MYO10: variants seen among roughly 807,000 people sequenced by gnomAD.
The protein encoded by MYO10 is unconventional myosin-X.
Under a neutral mutation model 257.3 loss-of-function variants are expected in MYO10, and 133 were observed. That is an observed-to-expected ratio of 0.52 (90% confidence interval 0.45 to 0.60). The LOEUF (loss-of-function observed/expected upper bound fraction) is 0.60. Ranked by LOEUF, MYO10 falls within the 20% of genes least tolerant of loss-of-function variation. MYO10 has a pLI of 0.00. For missense variants in MYO10, 2,399 were observed against 2,635.7 expected (o/e 0.91, Z 1.97); for synonymous variants, 1,104 against 1,028.6 (o/e 1.07, Z -1.40).
At position 16,935,930 on chromosome 5, in the gene MYO10, C is replaced by T; in HGVS notation, c.-122G>A. 7.4e-6 allele frequency: 9 copies of T among 1,222,054 alleles called. No homozygotes were observed. In the South Asian group the frequency reaches 9.5e-5, roughly 13 times the overall value. 75.7% of individuals were successfully genotyped at this position (1,222,054 alleles called of 1,614,324 possible). ...CTCCCGAGGACGCGCGCCCGCGGGG[C>T]TCCCCTGCTGCCATCGCCCGGTCCC... On this transcript the variant is annotated 5_prime_UTR_variant, in exon 1 of 41. Transcript: ENST00000513610.
rs5866211 is a variant in MYO10, at chr5:16,865,811, GATAATAATA to G, written c.120+11789_120+11797del. 4.9e-5 allele frequency among the ~76,000 whole-genome samples: 7 copies of G among 142,646 alleles called. No homozygotes were observed. The East Asian group carries it at 1.5e-3, about 30-fold the overall frequency. The allele number at this position is 142,646 out of a possible 152,430, so 93.6% of individuals were successfully genotyped here. On this transcript the variant is annotated intron_variant, in intron 2 of 40. Coordinates refer to ENST00000513610, the MANE Select transcript of MYO10 (RefSeq NM_012334.3). ...GGGTGACAGAGTTAGACTCCGTCTCGATAATAATAATAATAATAATAATAGTAAAAAATA... is the reference window on the plus strand; with the variant it reads ...GGGTGACAGAGTTAGACTCCGTCTCGATAATAATAATAATAGTAAAAAATA...
At chr5:16,828,797 C>T (rs1398269424) in intron 2 of MYO10, among the ~76,000 whole-genome samples, 1 of 151,744 alleles carries the variant, frequency 6.6e-6, no homozygotes, top group African/African-American at 2.4e-5. Context: ...TGAACTACAG[C>T]CTGGAACTCC....
chr5:16,896,592 C>CA (rs200637800), intron 1 of MYO10, among the ~76,000 whole-genome samples: 240 of 151,512 alleles, frequency 1.6e-3, no homozygotes, highest in African/African-American at 5.5e-3. Flanking sequence ...GGCTCCATCT[C>CA]AAAAAAAAGA....
At chr5:16,687,387 A>T (rs1274940942) in intron 28 of MYO10, among the ~76,000 whole-genome samples, 2 of 151,462 alleles carry the variant, frequency 1.3e-5, no homozygotes, top group African/African-American at 4.8e-5. Context: ...AGAACAAAGC[A>T]TCAGGAAAAT....
chr5:16,666,682 T>G lies in MYO10; in HGVS notation c.*10A>C. Reference sequence around the variant, plus strand: ...TCAGGTAGCAAAGACAGGTGGGCTCTGTCCCGCCTTCACCTGGAGCTGCCC... The same window carrying G: ...TCAGGTAGCAAAGACAGGTGGGCTCGGTCCCGCCTTCACCTGGAGCTGCCC... On this transcript the variant is annotated 3_prime_UTR_variant, in exon 41 of 41. Coordinates refer to ENST00000513610, the MANE Select transcript of MYO10 (RefSeq NM_012334.3). 6.3e-7 allele frequency: 1 copy of G among 1,587,750 alleles called. No individual in the cohort carries two copies. The highest frequency in any genetic ancestry group is 8.6e-7 in the Non-Finnish European group (1 of 1,168,980).
At chr5:16,690,715 T>C (rs1225819968) in intron 27 of MYO10, among the ~76,000 whole-genome samples, 2 of 152,046 alleles carry the variant, frequency 1.3e-5, no homozygotes, top group African/African-American at 4.8e-5. Flanking sequence ...CATCTGCGTC[T>C]GAATTCTGCT....
intron 19 of MYO10, among the ~76,000 whole-genome samples, chr5:16,713,038 GT>G (rs144748890): frequency 0.013 from 1,984 of 152,232 alleles, 53 homozygotes; most frequent in African/African-American, 0.045. Flanking sequence ...AAGCAGCACT[GT>G]ATAGAGCAAA....
intron 25 of MYO10, among the ~76,000 whole-genome samples, chr5:16,700,693 C>CAATA (rs1327452219): frequency 5.3e-5 from 8 of 152,132 alleles, no homozygotes; most frequent in African/African-American, 1.7e-4. Flanking sequence ...ACAACAACAA[C>CAATA]AATAAATAAA....
At chr5:16,728,505 A>G (rs1475352358) in intron 19 of MYO10, among the ~76,000 whole-genome samples, 4 of 151,396 alleles carry the variant, frequency 2.6e-5, no homozygotes, top group Non-Finnish European at 5.9e-5. Flanking sequence ...GAGCTTTTTA[A>G]TTTTCAACAC....
chr5:16,682,034 G>A (rs1234517391), intron 30 of MYO10, 21 bp from the exon 31 acceptor site: 1 of 1,610,198 alleles, frequency 6.2e-7, no homozygotes, highest in African/African-American at 1.3e-5. Flanking sequence ...AGATGAGAAG[G>A]AAACAAAGCC....
intron 19 of MYO10, among the ~76,000 whole-genome samples, chr5:16,717,538 G>C (rs1738924345): frequency 6.6e-6 from 1 of 152,226 alleles, no homozygotes; most frequent in South Asian, 2.1e-4. Context: ...AAATCAGTTT[G>C]CTACATTGTG....
rs796474728 is a variant in MYO10, at chr5:16,677,416, C to CTTTTTTTTTTTTTTTTTT, written c.4543-1263_4543-1262insAAAAAAAAAAAAAAAAAA. ...ATGGACTTATTTAGGGTAACTTGAC[C>CTTTTTTTTTTTTTTTTTT]TTTTTTTTTTTTTTTTTGAGACGGA... On this transcript the variant is annotated intron_variant, in intron 33 of 40. Coordinates refer to ENST00000513610, the MANE Select transcript of MYO10 (RefSeq NM_012334.3). Among the ~76,000 whole-genome samples, 88 of 119,364 alleles carry CTTTTTTTTTTTTTTTTTT rather than the reference C, an allele frequency of 7.4e-4. 4 individuals carry two copies. The highest frequency in any genetic ancestry group is 1.2e-3 in the East Asian group (5 of 4,262). The allele number at this position is 119,364 out of a possible 152,430, so 78.3% of individuals were successfully genotyped here.
chr5:16,711,414 T>C (rs1413852106), intron 19 of MYO10, among the ~76,000 whole-genome samples, 169 bp from the exon 20 acceptor site: 1 of 152,154 alleles, frequency 6.6e-6, no homozygotes, highest in Non-Finnish European at 1.5e-5. Context: ...AGTGGAACCA[T>C]CACCTCGCCT....
At position 16,852,920 on chromosome 5, in the gene MYO10, G is replaced by A. The variant is rs149695776; in HGVS notation, c.120+24689C>T. On this transcript the variant is annotated intron_variant, in intron 2 of 40. Coordinates refer to ENST00000513610, the MANE Select transcript of MYO10 (RefSeq NM_012334.3). ...AAAGCCTTTGCCAAGAAGGCACAGA[G>A]AAATTGAAGAATAACAACAGTAAAC... Among the ~76,000 whole-genome samples, 729 of 152,242 alleles carry A rather than the reference G, an allele frequency of 4.8e-3. 3 individuals are homozygous for A. Among genetic ancestry groups the A allele is most frequent in the Non-Finnish European group, 5.5e-3 (377 of 68,012 alleles).
intron 2 of MYO10, among the ~76,000 whole-genome samples, chr5:16,864,818 G>A (rs1348058143): frequency 6.6e-6 from 1 of 152,174 alleles, no homozygotes; most frequent in Non-Finnish European, 1.5e-5. Context: ...AAGAGGTCTA[G>A]GGAGTCAGAA....
intron 3 of MYO10, among the ~76,000 whole-genome samples, chr5:16,816,719 CG>C (rs1742627372): frequency 6.7e-6 from 1 of 149,220 alleles, no homozygotes; most frequent in African/African-American, 2.5e-5. Context: ...TTAGTAGAGA[CG>C]GGGATTCACC....
intron 21 of MYO10, among the ~76,000 whole-genome samples, chr5:16,709,881 C>A (rs1738517241): frequency 7.1e-6 from 1 of 140,842 alleles, no homozygotes; most frequent in Non-Finnish European, 1.5e-5. Flanking sequence ...TAAAAAATTT[C>A]CCTAGAGCAG....
intron 3 of MYO10, among the ~76,000 whole-genome samples, chr5:16,817,056 G>C (rs1742646789): frequency 6.6e-6 from 1 of 152,048 alleles, no homozygotes. Flanking sequence ...CAGACCTCGT[G>C]ATCCGCCCAC....
At chr5:16,713,670 C>T (rs1369941810) in intron 19 of MYO10, among the ~76,000 whole-genome samples, 1 of 152,100 alleles carries the variant, frequency 6.6e-6, no homozygotes, top group Non-Finnish European at 1.5e-5. Flanking sequence ...ATTGTCGCCC[C>T]GGGCAACCCA....
Sources: gnomAD v4.1 joint callset for allele counts (sites outside exome capture counted in the v4.1 genomes callset) on GRCh38, gnomAD v4.1.1 for gene constraint, MANE v1.5 for transcripts, NCBI Gene and HGNC (gene_info 2026-07-23, HGNC 2026-07-21) for gene names.